PDZRN3: variants seen among roughly 807,000 people sequenced by gnomAD.
PDZRN3 encodes E3 ubiquitin-protein ligase PDZRN3.
Under a neutral mutation model 85.7 loss-of-function variants are expected in PDZRN3, and 38 were observed. That is an observed-to-expected ratio of 0.44 (90% CI 0.34 to 0.58). The LOEUF is 0.58. Among genes scored for constraint, PDZRN3 ranks in the 20% least tolerant of loss-of-function variants. PDZRN3 has a pLI of 0.01. For missense variants in PDZRN3, 1,629 were observed against 1,506.4 expected (o/e 1.08, Z -1.35); for synonymous variants, 759 against 638.0 (o/e 1.19, Z -2.86).
In PDZRN3 at chr3:73,434,636, T is replaced by C. The variant is rs374119647; in HGVS notation, c.919-30241A>G. 4.6e-5 allele frequency among the ~76,000 whole-genome samples: 7 copies of C among 152,256 alleles called. No individual in the cohort carries two copies. The East Asian group carries it at 1.2e-3, about 25-fold the overall frequency. On this transcript the variant is annotated intron_variant, in intron 3 of 9. Coordinates refer to ENST00000263666, the MANE Select transcript of PDZRN3 (RefSeq NM_015009.3). ...AAGAGAAGCAGTCAGCTTCATGCCA[T>C]CCCCTCAGCCATATAGATGCTGCAG...
intron 3 of PDZRN3, among the ~76,000 whole-genome samples, chr3:73,441,106 T>C (rs773654020): frequency 1.3e-5 from 2 of 152,128 alleles, no homozygotes; most frequent in Non-Finnish European, 2.9e-5. Context: ...GATACTTATA[T>C]AACAACCATT....
chr3:73,559,267 T>G (rs1422899031), intron 3 of PDZRN3, among the ~76,000 whole-genome samples: 1 of 152,242 alleles, frequency 6.6e-6, no homozygotes, highest in Non-Finnish European at 1.5e-5. Flanking sequence ...TTGTTTTGTT[T>G]TAAACACAGT....
intron 3 of PDZRN3, among the ~76,000 whole-genome samples, chr3:73,522,185 C>G (rs1240084186): frequency 6.6e-6 from 1 of 152,182 alleles, no homozygotes; most frequent in Non-Finnish European, 1.5e-5. Flanking sequence ...GCATAACCCA[C>G]AAAGTCTAAA....
chr3:73,526,765 G>A (rs1425462217), intron 3 of PDZRN3, among the ~76,000 whole-genome samples: 1 of 152,148 alleles, frequency 6.6e-6, no homozygotes, highest in East Asian at 1.9e-4. Flanking sequence ...TCGACTCACT[G>A]CAACCTCCAC....
chr3:73,624,699 GC>G lies in PDZRN3; in HGVS notation c.126del (p.Leu43CysfsTer108). 1 of 1,525,514 alleles carries G rather than the reference GC, an allele frequency of 6.6e-7. No homozygotes were observed. Among genetic ancestry groups the G allele is most frequent in the Non-Finnish European group, 8.8e-7 (1 of 1,142,758 alleles). The allele number at this position is 1,525,514 out of a possible 1,614,324, so 94.5% of individuals were successfully genotyped here. ...CTGCCCTCCTGCACCACCCAGGGCA[GC>G]ACGCAGCCGGCGCAGAAGACGTGGC... ...PCGHVFCAGCVLPWVVQEGSC... is the reference protein window; with the variant it reads ...PCGHVFCAGCXLPWVVQEGSC... On this transcript the variant is annotated frameshift_variant, in exon 1 of 10. Transcript: ENST00000263666. LOFTEE classifies it high-confidence loss of function.
chr3:73,514,354 T>G (rs1287545681), intron 3 of PDZRN3, among the ~76,000 whole-genome samples: 1 of 152,200 alleles, frequency 6.6e-6, no homozygotes, highest in Non-Finnish European at 1.5e-5. Context: ...ATGTGTAATC[T>G]GTGCATGTGT....
intron 3 of PDZRN3, among the ~76,000 whole-genome samples, chr3:73,514,499 G>A (rs941093639): frequency 8.5e-5 from 13 of 152,128 alleles, no homozygotes; most frequent in African/African-American, 3.1e-4. Flanking sequence ...CAACTTTTCT[G>A]GTCTTGATTT....
At chr3:73,420,079 C>G (rs1199892835) in intron 3 of PDZRN3, among the ~76,000 whole-genome samples, 1 of 152,236 alleles carries the variant, frequency 6.6e-6, no homozygotes, top group African/African-American at 2.4e-5. Context: ...ATGGCCCTCT[C>G]TGGATACGAG....
chr3:73,525,561 G>C (rs947369443), intron 3 of PDZRN3, among the ~76,000 whole-genome samples: 3 of 152,238 alleles, frequency 2.0e-5, no homozygotes, highest in Non-Finnish European at 2.9e-5. Context: ...TAAATCCGGA[G>C]AGAGAGCTGC....
At chr3:73,610,995 T>C (rs566881371) in intron 1 of PDZRN3, among the ~76,000 whole-genome samples, 4 of 152,320 alleles carry the variant, frequency 2.6e-5, no homozygotes, top group African/African-American at 9.6e-5. Context: ...GTGGGAAGAC[T>C]GAGGTAGAGT....
chr3:73,595,362 ACTC>A (rs1702416742), intron 3 of PDZRN3, among the ~76,000 whole-genome samples: 1 of 152,160 alleles, frequency 6.6e-6, no homozygotes, highest in African/African-American at 2.4e-5. Flanking sequence ...AACTTTTCAT[ACTC>A]CTCTGCTGAA....
intron 3 of PDZRN3, among the ~76,000 whole-genome samples, chr3:73,519,283 A>G (rs192122215): frequency 6.6e-6 from 1 of 152,338 alleles, no homozygotes; most frequent in East Asian, 1.9e-4. Context: ...ATACAGCTGA[A>G]TGAAAAACAG....
chr3:73,457,002 T>C (rs367760957), intron 3 of PDZRN3, among the ~76,000 whole-genome samples: 1 of 152,322 alleles, frequency 6.6e-6, no homozygotes, highest in African/African-American at 2.4e-5. Flanking sequence ...CCTGTTGGTA[T>C]GTTAAAACAA....
At chr3:73,523,001 AAG>A (rs1169440960) in intron 3 of PDZRN3, among the ~76,000 whole-genome samples, 3 of 152,104 alleles carry the variant, frequency 2.0e-5, no homozygotes, top group African/African-American at 7.2e-5. Flanking sequence ...CAATAAAAGG[AAG>A]AGTTTTTTTT....
At chr3:73,404,895 G>C (rs1162791775) in intron 3 of PDZRN3, among the ~76,000 whole-genome samples, 1 of 152,214 alleles carries the variant, frequency 6.6e-6, no homozygotes, top group Non-Finnish European at 1.5e-5. Flanking sequence ...GTAAATGACA[G>C]TTCAGGCCAT....
intron 3 of PDZRN3, 38 bp from the exon 4 acceptor site, chr3:73,404,433 A>G (rs2106729262): frequency 4.4e-6 from 7 of 1,579,848 alleles, no homozygotes; most frequent in African/African-American, 1.4e-5. Flanking sequence ...AGGTTAGAAT[A>G]AAGCAGAAAA....
intron 3 of PDZRN3, among the ~76,000 whole-genome samples, chr3:73,578,649 A>G (rs1042334206): frequency 1.3e-5 from 2 of 152,324 alleles, no homozygotes; most frequent in Admixed American, 1.3e-4. Flanking sequence ...TTTTATGGGT[A>G]AAGTGTTAAA....
chr3:73,412,483 T>C (rs746039341), intron 3 of PDZRN3, among the ~76,000 whole-genome samples: 11 of 152,198 alleles, frequency 7.2e-5, no homozygotes, highest in East Asian at 1.9e-4. Flanking sequence ...TGTGTCACCA[T>C]AGTCATTTAC....
intron 3 of PDZRN3, chr3:73,408,146 T>C (rs760896588): frequency 1.3e-5 from 9 of 703,318 alleles, no homozygotes; most frequent in East Asian, 1.1e-4. Context: ...CCTCCTCCTT[T>C]TTCACAGCTC....
Sources: allele counts gnomAD v4.1 joint callset (sites outside exome capture counted in the v4.1 genomes callset), GRCh38; gene constraint gnomAD v4.1.1; transcripts MANE v1.5; gene names NCBI Gene and HGNC (gene_info 2026-07-23, HGNC 2026-07-21).